The following CD80 variants were observed in gnomAD, a reference collection of about 807,000 sequenced individuals.
The protein encoded by CD80 is CD80 molecule, also known as T-lymphocyte activation antigen CD80.
CD80 carries 13 observed loss-of-function variants against 27.1 expected under a neutral mutation model. The ratio of observed to expected loss-of-function variants is 0.48; its 90% CI spans 0.31 to 0.76. CD80 has a LOEUF of 0.76. CD80 is among the 30% of genes least tolerant of loss of function. CD80 has a pLI of 0.04. For synonymous variants in CD80, 125 were observed against 125.5 expected, an observed-to-expected ratio of 1.00 and a Z score of 0.03; for missense variants, 277 against 347.9, an observed-to-expected ratio of 0.80 and a Z score of 1.62.
intron 5 of CD80, among the ~76,000 whole-genome samples, chr3:119,528,702 T>A (rs565012263): frequency 2.6e-5 from 4 of 152,000 alleles, no homozygotes; most frequent in African/African-American, 7.2e-5. Context: ...GGCAGGCGGA[T>A]CACGAGGTCA....
chr3:119,543,206 CCT>C (rs2082180170), intron 3 of CD80, among the ~76,000 whole-genome samples: 1 of 152,220 alleles, frequency 6.6e-6, no homozygotes, highest in African/African-American at 2.4e-5. Context: ...TTGCAATTCC[CCT>C]GTCTTGATGA....
chr3:119,558,458 C>G lies in CD80; in HGVS notation c.-200-530G>C, dbSNP rs539148498. Among the ~76,000 whole-genome samples the G allele has an allele frequency of 2.6e-5, 4 of 152,284 alleles. No homozygotes were observed. The South Asian group carries it at 6.2e-4, about 24-fold the overall frequency. ...GGAAAAAAAGACACTGCAGACGTTA[C>G]TTATCAAAATTATGTACTCCAGGGC... On this transcript the variant is annotated intron_variant, in intron 1 of 6. Transcript: ENST00000264246.
Position 119,538,886 on chromosome 3 carries a change from G to T in CD80, c.419-1468C>A, listed in dbSNP as rs147109784. 1.7e-3 allele frequency among the ~76,000 whole-genome samples: 253 copies of T among 152,210 alleles called. 1 individual carries two copies. Among genetic ancestry groups the T allele is most frequent in the African/African-American group, 5.7e-3 (235 of 41,526 alleles). On this transcript the variant is annotated intron_variant, in intron 3 of 6. Coordinates refer to ENST00000264246, the MANE Select transcript of CD80 (RefSeq NM_005191.4). ...GAGGGGGCATTGTGTGCGTGTGAGTGGGGGGCAGGCATTGAACTATAGTCA... is the reference window on the plus strand; with the variant it reads ...GAGGGGGCATTGTGTGCGTGTGAGTTGGGGGCAGGCATTGAACTATAGTCA...
chr3:119,546,815 A>AACACACACACACACACACACAC (rs10661634), intron 2 of CD80, among the ~76,000 whole-genome samples: 33 of 149,368 alleles, frequency 2.2e-4, no homozygotes, highest in South Asian at 8.5e-4. Context: ...GTGATGCAAC[A>AACACACACACACACACACACAC]ACACACACAC....
intron 2 of CD80, among the ~76,000 whole-genome samples, chr3:119,555,186 C>T (rs1043836701): frequency 1.3e-5 from 2 of 152,218 alleles, no homozygotes; most frequent in Admixed American, 6.5e-5. Flanking sequence ...ATATTCACAG[C>T]TTCCGCCACT....
At chr3:119,545,738 ACCCCCCCCC>A (rs2082199326) in intron 2 of CD80, among the ~76,000 whole-genome samples, 2 of 140,490 alleles carry the variant, frequency 1.4e-5, no homozygotes, top group Admixed American at 7.1e-5. Flanking sequence ...TTACACACAC[ACCCCCCCCC>A]ACATTTTGTT....
Position 119,524,484 on chromosome 3 carries a change from G to A in CD80, c.*1304C>T, listed in dbSNP as rs1387850421. On this transcript the variant is annotated 3_prime_UTR_variant, in exon 7 of 7. Coordinates refer to ENST00000264246, the MANE Select transcript of CD80 (RefSeq NM_005191.4). The stretch of plus-strand genomic sequence containing the variant: ...CTGCTAGTACCTTATGTTGGTGTTA[G>A]ACCTCTCTGCCCTACACTGAGAATA... 1 of 151,976 alleles carries A rather than the reference G, an allele frequency of 6.6e-6. No individual in the cohort carries two copies. The allele number at this position is 151,976 out of a possible 1,614,324, so 9.4% of individuals were successfully genotyped here. A position where few individuals can be genotyped will look rare whatever the true frequency, so the allele number is the denominator to read the frequency against.
Position 119,557,666 on chromosome 3 carries a change from C to G in CD80, c.63G>C (p.Gln21His). 1 of 1,613,698 alleles carries G rather than the reference C, an allele frequency of 6.2e-7. No individual in the cohort carries two copies. ...PSKCPYLNFF[Q>H]LLVLAGLSHF... ...GAGAAAGACCAGCCAGCACCAAGAGCTGAAAGAAATTGAGGTATGGACACT... is the reference window on the plus strand; with the variant it reads ...GAGAAAGACCAGCCAGCACCAAGAGGTGAAAGAAATTGAGGTATGGACACT... The change falls in exon 2 of 7, where the codon CAG becomes CAC. Residue 21 changes from glutamine to histidine, a missense_variant. Coordinates refer to ENST00000264246, the MANE Select transcript of CD80 (RefSeq NM_005191.4).
chr3:119,527,627 T>G (rs993352783), intron 6 of CD80, 106 bp downstream of exon 6: 30 of 602,864 alleles, frequency 5.0e-5, no homozygotes, highest in African/African-American at 4.9e-4. Context: ...CTGAAAGAGG[T>G]TTTTAAGAAG....
chr3:119,557,970 T>C (rs927117535), intron 1 of CD80, 42 bp from the exon 2 acceptor site: 1 of 326,084 alleles, frequency 3.1e-6, no homozygotes, highest in African/African-American at 2.1e-5. Context: ...AAGGAAGGTG[T>C]GCCTACTTTG....
At chr3:119,538,111 G>C (rs980939526) in intron 3 of CD80, among the ~76,000 whole-genome samples, 5 of 152,174 alleles carry the variant, frequency 3.3e-5, no homozygotes, top group African/African-American at 1.2e-4. Context: ...CCCTAGAGAG[G>C]TAGGTTGTAG....
At chr3:119,551,159 G>C (rs1353577989) in intron 2 of CD80, among the ~76,000 whole-genome samples, 1 of 152,178 alleles carries the variant, frequency 6.6e-6, no homozygotes, top group Non-Finnish European at 1.5e-5. Context: ...GTAAATACTT[G>C]CTGAATGCAT....
In CD80 at chr3:119,525,411, G is replaced by C. The variant is rs2082058809; in HGVS notation, c.*377C>G. 1 of 152,204 alleles carries C rather than the reference G, an allele frequency of 6.6e-6. No individual in the cohort carries two copies. The highest frequency in any genetic ancestry group is 2.4e-5 in the African/African-American group (1 of 41,458). 9.4% of individuals were successfully genotyped at this position (152,204 alleles called of 1,614,324 possible). The stretch of plus-strand genomic sequence containing the variant: ...TGTATATACCAGTTAACAGGCCACA[G>C]TCAAACTGATAAAGGGAAAGAGCAC... On this transcript the variant is annotated 3_prime_UTR_variant, in exon 7 of 7. Coordinates refer to ENST00000264246, the MANE Select transcript of CD80 (RefSeq NM_005191.4).
intron 4 of CD80, among the ~76,000 whole-genome samples, chr3:119,531,293 C>A (rs1047575405): frequency 3.9e-5 from 6 of 152,270 alleles, no homozygotes; most frequent in African/African-American, 1.4e-4. Context: ...ACATCTGGAA[C>A]ATTTCTCAGC....
At chr3:119,555,857 G>A (rs2082261544) in intron 2 of CD80, among the ~76,000 whole-genome samples, 1 of 152,158 alleles carries the variant, frequency 6.6e-6, no homozygotes, top group Non-Finnish European at 1.5e-5. Context: ...ACAAAAGAAT[G>A]AACACCTGTG....
rs766806612 is a variant in CD80, at chr3:119,544,632, G to A, written c.336C>T (p.Gly112=). Residue 112 remains glycine, a synonymous_variant, in exon 3 of 7, where the codon GGC becomes GGT. Coordinates refer to ENST00000264246, the MANE Select transcript of CD80 (RefSeq NM_005191.4). ...ACTTCAGAACAACACACTCGTATGT[G>A]CCCTCGTCAGATGGGCGCAGAGCCA... The part of the protein sequence containing the change: ...VILALRPSDE[G]TYECVVLKYE... 1 of 1,614,176 alleles carries A rather than the reference G, an allele frequency of 6.2e-7. No homozygotes were observed. Among genetic ancestry groups the A allele is most frequent in the South Asian group, 1.1e-5 (1 of 91,084 alleles).
intron 4 of CD80, among the ~76,000 whole-genome samples, chr3:119,533,743 C>A (rs1228751906): frequency 6.6e-6 from 1 of 152,142 alleles, no homozygotes; most frequent in Admixed American, 6.5e-5. Flanking sequence ...TCTAATTAAA[C>A]CTCTTTATTT....
At position 119,557,753 on chromosome 3, in the gene CD80, G is replaced by A; in HGVS notation, c.-25C>T. 1 of 1,575,906 alleles carries A rather than the reference G, an allele frequency of 6.3e-7. No homozygotes were observed. The highest frequency in any genetic ancestry group is 8.7e-7 in the Non-Finnish European group (1 of 1,151,182). ...TGGCTTCAGATGCTTAGGGTCAAAA[G>A]TGAAAGCCAACAATTTGGACCCAAG... On this transcript the variant is annotated 5_prime_UTR_variant, in exon 2 of 7. Transcript: ENST00000264246.
chr3:119,557,557 C>T (rs1676017046), intron 2 of CD80, 72 bp downstream of exon 2: 2 of 1,024,200 alleles, frequency 2.0e-6, no homozygotes, highest in South Asian at 3.1e-5. Flanking sequence ...AAGGGAGCAG[C>T]TCAGAGAACC....
Sources: allele counts gnomAD v4.1 joint callset (sites outside exome capture counted in the v4.1 genomes callset), GRCh38; gene constraint gnomAD v4.1.1; transcripts MANE v1.5; gene names NCBI Gene and HGNC (gene_info 2026-07-23, HGNC 2026-07-21).